The following HEATR1 variants were observed in gnomAD, a reference collection of about 807,000 sequenced individuals.
HEATR1 encodes HEAT repeat-containing protein 1.
HEATR1 carries 77 observed loss-of-function variants against 248.2 expected under a neutral mutation model. That is an observed-to-expected ratio of 0.31 (90% CI 0.26 to 0.37). The LOEUF is 0.37. Ranked by LOEUF, HEATR1 falls within the 10% of genes least tolerant of loss-of-function variation. The pLI is 1.00. For synonymous variants in HEATR1, 897 were observed against 923.1 expected, an observed-to-expected ratio of 0.97 and a Z score of 0.51; for missense variants, 2,420 against 2,504.9, an observed-to-expected ratio of 0.97 and a Z score of 0.72.
At chr1:236,582,672 G>C in intron 19 of HEATR1, 64 bp downstream of exon 19, 1 of 1,569,250 alleles carries the variant, frequency 6.4e-7, no homozygotes, top group Non-Finnish European at 8.8e-7. Context: ...CAAAGTGCTG[G>C]GATTGCAGGC....
At chr1:236,571,853 T>C (rs575765443) in intron 26 of HEATR1, among the ~76,000 whole-genome samples, 167 bp from the exon 27 acceptor site, 1 of 152,360 alleles carries the variant, frequency 6.6e-6, no homozygotes, top group South Asian at 2.1e-4. Context: ...ATAAGATTTC[T>C]AACTCTAATT....
In HEATR1 at chr1:236,581,383, T is replaced by G. The variant is rs943144674; in HGVS notation, c.2594A>C (p.Lys865Thr). Residue 865 changes from lysine to threonine, a missense_variant, in exon 20 of 45, where the codon AAG becomes ACG. Physicochemically the swap from Lys to Thr is moderately conservative, Grantham distance 78. Coordinates refer to ENST00000366582, the MANE Select transcript of HEATR1 (RefSeq NM_018072.6). The stretch of plus-strand genomic sequence containing the variant: ...ATAGGTCCATAAAACAGAACAGAAC[T>G]TGAATAACTGAAAAACATCTTCTAG... ...VHLEDVFQLF[K>T]FCSVLWTYGS... The G allele has an allele frequency of 9.7e-6, 15 of 1,552,386 alleles. No individual in the cohort carries two copies. The highest frequency in any genetic ancestry group is 4.2e-5 in the African/African-American group (3 of 71,084).
intron 5 of HEATR1, 149 bp from the exon 6 acceptor site, chr1:236,597,125 C>CAAA (rs59433755): frequency 0.043 from 16,187 of 377,544 alleles, 3 homozygotes; most frequent in Non-Finnish European, 0.053. Context: ...TCCATGTCTC[C>CAAA]AAAAAAAAAA....
At position 236,604,036 on chromosome 1, in the gene HEATR1, G is replaced by C. The variant is rs141851117; in HGVS notation, c.60C>G (p.Leu20=). The C allele has an allele frequency of 1.3e-6, 2 of 1,593,434 alleles. No homozygotes were observed. Among genetic ancestry groups the C allele is most frequent in the African/African-American group, 1.4e-5 (1 of 73,436 alleles). The change falls in exon 2 of 45, where the codon CTC becomes CTG. Residue 20 remains leucine, a synonymous_variant. Transcript: ENST00000366582. ...AAGAAGCAACTTCATCTCTAGATAA[G>C]AGGCTGGCATCACTTTGAGGGAGGG... ...RLALPQSDAS[L]LSRDEVASLL...
In HEATR1 at chr1:236,555,907, T is replaced by C. The variant is rs1364456652; in HGVS notation, c.5547A>G (p.Gln1849=). The C allele has an allele frequency of 4.3e-6, 7 of 1,613,750 alleles. No homozygotes were observed. In the African/African-American group the frequency reaches 5.3e-5, roughly 12 times the overall value. Residue 1849 remains glutamine, a synonymous_variant, in exon 39 of 45, where the codon CAA becomes CAG. Transcript: ENST00000366582. ...CCTTCTTCATCACCCCAATATGCTCTTGCAAGATGCTCATAAACGGACCCA... is the reference window on the plus strand; with the variant it reads ...CCTTCTTCATCACCCCAATATGCTCCTGCAAGATGCTCATAAACGGACCCA... ...NHMGPFMSIL[Q]EHIGVMKKEE...
chr1:236,591,971 A>G, intron 11 of HEATR1, 22 bp downstream of exon 11: 1 of 1,409,660 alleles, frequency 7.1e-7, no homozygotes, highest in Non-Finnish European at 1.0e-6. Context: ...AATTGTCATA[A>G]TTCCTTTGGA....
chr1:236,565,377 G>A (rs527417141), intron 31 of HEATR1, among the ~76,000 whole-genome samples: 5 of 152,140 alleles, frequency 3.3e-5, no homozygotes, highest in African/African-American at 1.2e-4. Flanking sequence ...GGCTGGTCTT[G>A]AACTGCGCTA....
rs1461110984 is a variant in HEATR1 at position 236,604,113 on chromosome 1, T to G, written c.-18A>C. 1 of 1,544,664 alleles carries G rather than the reference T, an allele frequency of 6.5e-7. No individual in the cohort carries two copies. On this transcript the variant is annotated 5_prime_UTR_variant, in exon 2 of 45. Coordinates refer to ENST00000366582, the MANE Select transcript of HEATR1 (RefSeq NM_018072.6). ...GACGTCATCTTTCACGCCAGCGGAG[T>G]TTTAATGACACGGGCTAAAAAAACG...
chr1:236,579,686 C>T (rs932239918), intron 20 of HEATR1, among the ~76,000 whole-genome samples: 2 of 152,090 alleles, frequency 1.3e-5, no homozygotes, highest in Non-Finnish European at 2.9e-5. Context: ...ACAGTAAACT[C>T]ACCTAAAATA....
rs1232667557 is a variant in HEATR1 at position 236,552,048 on chromosome 1, A to G, written c.6297T>C (p.Tyr2099=). The G allele has an allele frequency of 9.9e-6, 16 of 1,613,720 alleles. No homozygotes were observed. The highest frequency in any genetic ancestry group is 2.2e-5 in the South Asian group (2 of 91,086). Residue 2099 remains tyrosine (Y), a synonymous_variant, in exon 44 of 45, where the codon TAT becomes TAC. Coordinates refer to ENST00000366582, the MANE Select transcript of HEATR1 (RefSeq NM_018072.6). ...LALAEKLKEN[Y]IVLLPESIPF... ...GAATGGATTCTGGTAGCAAGACAAT[A>G]TAATTCTCCTTTAGTTTTTCAGCCA... is the stretch of plus-strand genomic sequence containing the variant.
chr1:236,602,900 A>G, intron 3 of HEATR1: 1 of 351,294 alleles, frequency 2.8e-6, no homozygotes, highest in Non-Finnish European at 5.3e-6. Context: ...CTCCAGCCTG[A>G]GTGCCCAGCA....
chr1:236,568,249 G>A (rs1257798183), intron 29 of HEATR1, among the ~76,000 whole-genome samples: 1 of 152,048 alleles, frequency 6.6e-6, no homozygotes, highest in Non-Finnish European at 1.5e-5. Flanking sequence ...TTACTTATTC[G>A]ACTGGCACTG....
chr1:236,587,552 T>A, intron 13 of HEATR1, 62 bp from the exon 14 acceptor site: 2 of 654,394 alleles, frequency 3.1e-6, no homozygotes, highest in Non-Finnish European at 4.8e-6. Flanking sequence ...TGGCGCTTTT[T>A]AAATGCGAAT....
intron 3 of HEATR1, among the ~76,000 whole-genome samples, chr1:236,600,923 C>T (rs1473848231): frequency 2.6e-5 from 4 of 152,196 alleles, no homozygotes; most frequent in Non-Finnish European, 4.4e-5. Context: ...CAAAACTCTG[C>T]TTAATCCTTT....
intron 41 of HEATR1, 49 bp downstream of exon 41, chr1:236,555,247 A>G (rs1259235413): frequency 1.3e-6 from 2 of 1,586,658 alleles, no homozygotes; most frequent in Non-Finnish European, 1.7e-6. Context: ...GGTACCTTGT[A>G]TAAGGCACAC....
chr1:236,595,633 T>C lies in HEATR1; in HGVS notation c.997A>G (p.Ile333Val). 1 of 1,611,340 alleles carries C rather than the reference T, an allele frequency of 6.2e-7. No individual in the cohort carries two copies. The highest frequency in any genetic ancestry group is 8.5e-7 in the Non-Finnish European group (1 of 1,177,480). The change falls in exon 8 of 45, where the codon ATA becomes GTA. Residue 333 changes from isoleucine to valine, a missense_variant. Transcript: ENST00000366582. ...TAAGTTTCAGAAATCCCATGAAGTA[T>C]TGTAATAAGATCAGGAACATTACAT... ...HLCNVPDLIT[I>V]LHGISETYDV... is the part of the protein sequence containing the mutation.
At chr1:236,551,818 A>T (rs1285781569) in intron 44 of HEATR1, 181 bp downstream of exon 44, 2 of 560,286 alleles carry the variant, frequency 3.6e-6, no homozygotes, top group African/African-American at 3.8e-5. Flanking sequence ...TGCTCCCTCC[A>T]CCCAACTCAA....
chr1:236,552,708 A>C (rs1662807930), intron 43 of HEATR1: 1 of 152,252 alleles, frequency 6.6e-6, no homozygotes, highest in Non-Finnish European at 1.5e-5. Flanking sequence ...GGGTATTGTT[A>C]GCTTTTGAAA....
At chr1:236,581,050 C>T (rs1355237192) in intron 20 of HEATR1, among the ~76,000 whole-genome samples, 172 bp downstream of exon 20, 8 of 151,638 alleles carry the variant, frequency 5.3e-5, no homozygotes, top group African/African-American at 9.7e-5. Flanking sequence ...GATCTCCTGA[C>T]CTCATGATCT....
Sources: allele counts gnomAD v4.1 joint callset (sites outside exome capture counted in the v4.1 genomes callset), GRCh38; gene constraint gnomAD v4.1.1; transcripts MANE v1.5; gene names NCBI Gene and HGNC (gene_info 2026-07-23, HGNC 2026-07-21).